Variants in STAT3 observed in about 807,000 individuals in gnomAD.
The protein encoded by STAT3 is signal transducer and activator of transcription 3.
A neutral mutation model predicts 114.3 loss-of-function variants in STAT3; 7 were observed. The observed-to-expected ratio is 0.06, with a 90% CI of 0.03 to 0.11. The LOEUF (loss-of-function observed/expected upper bound fraction) is 0.11, where lower values mean the gene tolerates loss of function less well. STAT3 is among the 10% of genes least tolerant of loss of function. The probability of loss-of-function intolerance (pLI) is 1.00; values close to 1 mark genes in which losing one functional copy is unlikely to be tolerated. For synonymous variants in STAT3, 331 were observed against 354.5 expected, an observed-to-expected ratio of 0.93 and a Z score of 0.74; for missense variants, 364 against 960.9, an observed-to-expected ratio of 0.38 and a Z score of 8.21.
At chr17:42,353,360 AAG>A (rs1311790648) in intron 1 of STAT3, among the ~76,000 whole-genome samples, 24 of 129,474 alleles carry the variant, frequency 1.9e-4, no homozygotes, top group Middle Eastern at 3.8e-3. Flanking sequence ...AAAAAAAAAA[AAG>A]AAAGAAAGAA....
intron 8 of STAT3, among the ~76,000 whole-genome samples, chr17:42,336,053 T>G (rs553518982): frequency 2.6e-5 from 4 of 152,266 alleles, no homozygotes; most frequent in Non-Finnish European, 5.9e-5. Context: ...AACTTAAGCT[T>G]CTTCGTTCCC....
intron 21 of STAT3, among the ~76,000 whole-genome samples, chr17:42,321,166 C>T (rs908102834): frequency 2.4e-4 from 34 of 139,516 alleles, no homozygotes; most frequent in Non-Finnish European, 4.4e-4. Context: ...GTCACCCAGG[C>T]TGGAGTGCAG....
chr17:42,374,900 A>T (rs1160108032), intron 1 of STAT3, among the ~76,000 whole-genome samples: 1 of 152,222 alleles, frequency 6.6e-6, no homozygotes, highest in African/African-American at 2.4e-5. Flanking sequence ...TTATGCAAAC[A>T]ATTAACGAGA....
At chr17:42,325,493 C>A (rs1222374371) in intron 15 of STAT3, among the ~76,000 whole-genome samples, 1 of 152,046 alleles carries the variant, frequency 6.6e-6, no homozygotes, top group Non-Finnish European at 1.5e-5. Context: ...ATGTCATTGC[C>A]ACAATTTTCT....
At chr17:42,375,706 G>A (rs1373788196) in intron 1 of STAT3, among the ~76,000 whole-genome samples, 1 of 151,928 alleles carries the variant, frequency 6.6e-6, no homozygotes, top group African/African-American at 2.4e-5. Context: ...GCACATGCCT[G>A]TAATCCCAGC....
chr17:42,330,887 C>T (rs1457924761), intron 11 of STAT3, among the ~76,000 whole-genome samples: 3 of 152,078 alleles, frequency 2.0e-5, no homozygotes, highest in African/African-American at 4.8e-5. Flanking sequence ...GAATATATAA[C>T]GACGTTTCGG....
chr17:42,358,388 A>T (rs954948585), intron 1 of STAT3, among the ~76,000 whole-genome samples: 1 of 152,176 alleles, frequency 6.6e-6, no homozygotes, highest in African/African-American at 2.4e-5. Context: ...AGCCTGGGTG[A>T]CAGAGCTAGA....
chr17:42,356,224 T>C (rs923976358), intron 1 of STAT3, among the ~76,000 whole-genome samples: 2 of 152,108 alleles, frequency 1.3e-5, no homozygotes, highest in African/African-American at 4.8e-5. Context: ...ATGTTCAATG[T>C]GGAAAATTTA....
intron 1 of STAT3, among the ~76,000 whole-genome samples, chr17:42,363,215 T>C (rs188562894): frequency 2.4e-4 from 36 of 152,330 alleles, no homozygotes; most frequent in African/African-American, 7.7e-4. Context: ...TTCTGAGGAA[T>C]AGGCCAACTC....
At position 42,375,503 on chromosome 17, in the gene STAT3, C is replaced by T. The variant is rs77305293; in HGVS notation, c.-24+12776G>A. ...TTTCTCAAACTCTTCGCTCTCATGG[C>T]CCCTTTATTTATTATTTTTTAAATT... On this transcript the variant is annotated intron_variant, in intron 1 of 23. Transcript: ENST00000264657. Among the ~76,000 whole-genome samples the T allele has an allele frequency of 3.3e-5, 5 of 152,156 alleles. No homozygotes were observed. The South Asian group carries it at 1.0e-3, about 32-fold the overall frequency.
At chr17:42,351,080 G>A (rs1315719362) in intron 1 of STAT3, among the ~76,000 whole-genome samples, 3 of 143,904 alleles carry the variant, frequency 2.1e-5, no homozygotes, top group African/African-American at 5.2e-5. Flanking sequence ...GCAGTGAGCC[G>A]AGATCGTGCC....
At chr17:42,345,077 C>T (rs987263767) in intron 4 of STAT3, among the ~76,000 whole-genome samples, 127 of 151,622 alleles carry the variant, frequency 8.4e-4, no homozygotes, top group Non-Finnish European at 1.4e-3. Context: ...ACCAGCCTGA[C>T]CAACATGAAG....
At chr17:42,354,420 G>A (rs1467898480) in intron 1 of STAT3, among the ~76,000 whole-genome samples, 10 of 150,006 alleles carry the variant, frequency 6.7e-5, no homozygotes, top group East Asian at 4.0e-4. Context: ...CGCCCGCCTC[G>A]GCCTCCCAAA....
intron 23 of STAT3, chr17:42,316,058 GATC>G: frequency 7.1e-7 from 1 of 1,403,886 alleles, no homozygotes; most frequent in South Asian, 1.5e-5. Context: ...GCTGTCCTGA[GATC>G]TTCTGCCCTT....
intron 4 of STAT3, among the ~76,000 whole-genome samples, chr17:42,343,735 G>A (rs993345232): frequency 6.6e-6 from 1 of 152,084 alleles, no homozygotes; most frequent in Non-Finnish European, 1.5e-5. Flanking sequence ...TTACAGGCGT[G>A]AGACATCGTG....
intron 2 of STAT3, 82 bp downstream of exon 2, chr17:42,348,307 G>A (rs2082787785): frequency 1.9e-6 from 3 of 1,579,016 alleles, no homozygotes; most frequent in African/African-American, 2.7e-5. Flanking sequence ...TAATGGAACA[G>A]CAAGGCATGA....
intron 4 of STAT3, among the ~76,000 whole-genome samples, chr17:42,344,205 G>A (rs1261571666): frequency 6.6e-5 from 10 of 152,076 alleles, no homozygotes; most frequent in East Asian, 3.9e-4. Context: ...GGCGGATCAC[G>A]AGGTCAAGAG....
Position 42,315,817 on chromosome 17 carries a change from G to A in STAT3, c.2258-17C>T. The A allele has an allele frequency of 6.2e-7, 1 of 1,613,982 alleles. No individual in the cohort carries two copies. Among genetic ancestry groups the A allele is most frequent in the Non-Finnish European group, 8.5e-7 (1 of 1,180,004 alleles). Reference sequence around the variant, plus strand: ...TGAGGGACTCTGGAGGGACAGACAGGGAAAACTAGTTCAGTTGTCCACCCT... The same window carrying A: ...TGAGGGACTCTGGAGGGACAGACAGAGAAAACTAGTTCAGTTGTCCACCCT... On this transcript the variant is annotated splice_polypyrimidine_tract_variant and intron_variant, in intron 23 of 23. Transcript: ENST00000264657.
intron 11 of STAT3, 73 bp from the exon 12 acceptor site, chr17:42,329,849 T>C: frequency 1.9e-6 from 3 of 1,542,520 alleles, no homozygotes; most frequent in Non-Finnish European, 2.7e-6. Flanking sequence ...GACCACCTGT[T>C]ATTTACTGTC....
Sources: gnomAD v4.1 joint callset for allele counts (sites outside exome capture counted in the v4.1 genomes callset) on GRCh38, gnomAD v4.1.1 for gene constraint, MANE v1.5 for transcripts, NCBI Gene and HGNC (gene_info 2026-07-23, HGNC 2026-07-21) for gene names.